The following DTWD2 variants were observed in gnomAD, a reference collection of about 807,000 sequenced individuals.
DTWD2 encodes the protein tRNA-uridine aminocarboxypropyltransferase 2.
Under a neutral mutation model 31.8 loss-of-function variants are expected in DTWD2, and 39 were observed. The ratio of observed to expected loss-of-function variants is 1.22; its 90% CI spans 0.95 to 1.60. DTWD2 has a LOEUF of 1.60. Ranked by LOEUF, DTWD2 falls within the 40% of genes most tolerant of loss-of-function variation. The probability of loss-of-function intolerance (pLI) is 0.00; values close to 1 mark genes in which losing one functional copy is unlikely to be tolerated. For missense variants in DTWD2, 515 were observed against 381.5 expected (o/e 1.35, Z -2.92); for synonymous variants, 180 against 142.8 (o/e 1.26, Z -1.86).
chr5:118,935,393 A>G (rs1356258573), intron 3 of DTWD2, among the ~76,000 whole-genome samples: 1 of 152,174 alleles, frequency 6.6e-6, no homozygotes, highest in African/African-American at 2.4e-5. Context: ...TGAAGCGGGG[A>G]AGGGGCAGTC....
chr5:118,846,372 T>C (rs1189755729), intron 5 of DTWD2, among the ~76,000 whole-genome samples: 1 of 152,156 alleles, frequency 6.6e-6, no homozygotes, highest in Non-Finnish European at 1.5e-5. Flanking sequence ...TTAAAGGTTA[T>C]ATTTAGGATT....
intron 1 of DTWD2, among the ~76,000 whole-genome samples, chr5:118,951,160 T>G (rs1483243132): frequency 6.6e-6 from 1 of 152,102 alleles, no homozygotes; most frequent in Non-Finnish European, 1.5e-5. Context: ...AGGAAATTGT[T>G]GGGCAGGTGG....
intron 4 of DTWD2, among the ~76,000 whole-genome samples, chr5:118,925,454 C>T (rs1753789516): frequency 6.6e-6 from 1 of 152,142 alleles, no homozygotes; most frequent in Non-Finnish European, 1.5e-5. Context: ...GCTCTTTTAT[C>T]ACGATTCCAA....
intron 5 of DTWD2, among the ~76,000 whole-genome samples, chr5:118,844,923 C>T (rs1751813612): frequency 6.6e-6 from 1 of 151,988 alleles, no homozygotes; most frequent in Admixed American, 6.6e-5. Flanking sequence ...CGCTTAAATC[C>T]CCTAGGAGTT....
At chr5:118,897,348 T>C (rs1753106512) in intron 4 of DTWD2, among the ~76,000 whole-genome samples, 1 of 152,206 alleles carries the variant, frequency 6.6e-6, no homozygotes, top group Admixed American at 6.5e-5. Flanking sequence ...ACAGAATGTC[T>C]CTAATTTGAG....
chr5:118,909,307 C>T (rs1047123440), intron 4 of DTWD2, among the ~76,000 whole-genome samples: 6 of 152,102 alleles, frequency 3.9e-5, no homozygotes, highest in African/African-American at 1.4e-4. Flanking sequence ...CTGCAGATGC[C>T]CCACAGTTGT....
chr5:118,972,605 C>G (rs1448877255), intron 1 of DTWD2, among the ~76,000 whole-genome samples: 1 of 152,174 alleles, frequency 6.6e-6, no homozygotes, highest in Non-Finnish European at 1.5e-5. Flanking sequence ...AAAGAAGGAA[C>G]TCCTCCCAAA....
chr5:118,909,031 C>T (rs931393110), intron 4 of DTWD2, among the ~76,000 whole-genome samples: 1 of 152,198 alleles, frequency 6.6e-6, no homozygotes, highest in Admixed American at 6.5e-5. Context: ...CTTAGCAATA[C>T]AAGGAAACTC....
At chr5:118,855,424 T>C (rs1752108103) in intron 4 of DTWD2, among the ~76,000 whole-genome samples, 1 of 147,998 alleles carries the variant, frequency 6.8e-6, no homozygotes, top group Non-Finnish European at 1.5e-5. Context: ...TAAAATTTTA[T>C]TTATTTTCTT....
intron 4 of DTWD2, among the ~76,000 whole-genome samples, chr5:118,876,407 A>C (rs115130759): frequency 0.024 from 3,601 of 152,192 alleles, 57 homozygotes; most frequent in Non-Finnish European, 0.027. Context: ...GGAGACTAAG[A>C]CATGAAAAAC....
intron 4 of DTWD2, among the ~76,000 whole-genome samples, chr5:118,870,106 A>G (rs947968036): frequency 6.6e-6 from 1 of 152,126 alleles, no homozygotes; most frequent in Non-Finnish European, 1.5e-5. Context: ...AGAAGCCAAC[A>G]CTGTGCTTTG....
At chr5:118,886,887 C>T (rs1034941200) in intron 4 of DTWD2, among the ~76,000 whole-genome samples, 17 of 151,994 alleles carry the variant, frequency 1.1e-4, no homozygotes, top group Admixed American at 5.9e-4. Flanking sequence ...AAAATGTAAT[C>T]CTTTGATTTC....
intron 4 of DTWD2, among the ~76,000 whole-genome samples, chr5:118,897,119 G>A (rs758422914): frequency 6.6e-6 from 1 of 152,214 alleles, no homozygotes. Flanking sequence ...ACAGAACTCA[G>A]TATATAGTGG....
At chr5:118,888,000 C>T (rs974735336) in intron 4 of DTWD2, among the ~76,000 whole-genome samples, 2 of 152,178 alleles carry the variant, frequency 1.3e-5, no homozygotes, top group African/African-American at 4.8e-5. Context: ...CAACTGTGCA[C>T]ACCCCAGCAA....
chr5:118,849,827 G>A (rs1350236482), intron 4 of DTWD2, among the ~76,000 whole-genome samples: 1 of 152,040 alleles, frequency 6.6e-6, no homozygotes, highest in African/African-American at 2.4e-5. Flanking sequence ...GTTGAACAAT[G>A]AGAACACATG....
rs773157397 is a variant in DTWD2, at chr5:118,840,901, CA to C, written c.*15del. ...TAGATGAAGACAGTTAAGCTAGCAC[CA>C]AAAGAATAACTGTACTAAATTTTAA... On this transcript the variant is annotated 3_prime_UTR_variant, in exon 6 of 6. Transcript: ENST00000510708. The C allele has an allele frequency of 6.2e-7, 1 of 1,607,900 alleles. No individual in the cohort carries two copies. The highest frequency in any genetic ancestry group is 1.7e-5 in the Admixed American group (1 of 59,462).
chr5:118,839,836 T>C lies in DTWD2; in HGVS notation c.*1081A>G, dbSNP rs1401394453. Reference sequence around the variant, plus strand: ...AATAAACAAATGATCATGAAAACTGTGAGAAATAATCATTGGTGTATGCTC... The same window carrying C: ...AATAAACAAATGATCATGAAAACTGCGAGAAATAATCATTGGTGTATGCTC... On this transcript the variant is annotated 3_prime_UTR_variant, in exon 6 of 6. Transcript: ENST00000510708. The C allele has an allele frequency of 2.0e-5, 3 of 152,206 alleles. No homozygotes were observed. The highest frequency in any genetic ancestry group is 7.2e-5 in the African/African-American group (3 of 41,470). The allele number at this position is 152,206 out of a possible 1,614,324, so 9.4% of individuals were successfully genotyped here.
intron 3 of DTWD2, among the ~76,000 whole-genome samples, chr5:118,937,949 T>C (rs1754082264): frequency 8.0e-6 from 1 of 124,748 alleles, no homozygotes. Context: ...TTTGAACAAA[T>C]CTTAACTATG....
chr5:118,973,962 A>T, intron 1 of DTWD2: 1 of 1,584,952 alleles, frequency 6.3e-7, no homozygotes, highest in Non-Finnish European at 8.7e-7. Context: ...GATGAAGAAG[A>T]GGAAGAAGGT....
Sources: gnomAD v4.1 joint callset for allele counts (sites outside exome capture counted in the v4.1 genomes callset) on GRCh38, gnomAD v4.1.1 for gene constraint, MANE v1.5 for transcripts, NCBI Gene and HGNC (gene_info 2026-07-23, HGNC 2026-07-21) for gene names.